The following MYOZ1 variants were observed in gnomAD, a reference collection of about 807,000 sequenced individuals.
MYOZ1 encodes myozenin 1, also known as myozenin-1.
In MYOZ1, 20 loss-of-function variants were observed where a neutral mutation model predicts 28.7. That is an observed-to-expected ratio of 0.70 (90% CI 0.49 to 1.01). The LOEUF (loss-of-function observed/expected upper bound fraction) is 1.01. Ranked by LOEUF, MYOZ1 falls within the 50% of genes least tolerant of loss-of-function variation. The pLI is 0.00. For missense variants in MYOZ1, 371 were observed against 372.4 expected, an observed-to-expected ratio of 1.00 and a Z score of 0.03; for synonymous variants, 144 against 145.8, an observed-to-expected ratio of 0.99 and a Z score of 0.09.
Position 73,631,995 on chromosome 10 carries a change from C to T in MYOZ1, c.835G>A (p.Gly279Arg), listed in dbSNP as rs146921849. The T allele has an allele frequency of 5.0e-6, 8 of 1,614,054 alleles. No individual in the cohort carries two copies. Among genetic ancestry groups the T allele is most frequent in the Non-Finnish European group, 6.8e-6 (8 of 1,180,022 alleles). ...NRTPIPWLSS[G>R]EPVDYNVDIG... ...TCCACGTTGTAGTCTACAGGCTCCC[C>T]AGAGCTCAGCCAGGGAATAGGGGTT... is the stretch of plus-strand genomic sequence containing the variant. The change falls in exon 6 of 6, where the codon GGG (glycine) becomes AGG (arginine). Residue 279 changes from glycine to arginine, a missense_variant. Transcript: ENST00000359322.
At chr10:73,638,672 T>TTATTTATTTATG (rs1564985082) in intron 2 of MYOZ1, among the ~76,000 whole-genome samples, 2 of 149,684 alleles carry the variant, frequency 1.3e-5, no homozygotes, top group East Asian at 2.0e-4. Context: ...ATTTATTTAT[T>TTATTTATTTATG]TATTTATTTA....
chr10:73,634,608 C>T lies in MYOZ1; in HGVS notation c.378G>A (p.Gln126=). 1 of 1,614,170 alleles carries T rather than the reference C, an allele frequency of 6.2e-7. No individual in the cohort carries two copies. Among genetic ancestry groups the T allele is most frequent in the Non-Finnish European group, 8.5e-7 (1 of 1,180,020 alleles). ...GATGGTGCTGCTGATCAGAGCCATA[C>T]TGTCCGGCAGAGCCACTGCCCCCTG... ...SQAGGSGSAG[Q]YGSDQQHHLG... is the part of the protein sequence containing the mutation. The change falls in exon 4 of 6, where the codon CAG becomes CAA. Residue 126 remains glutamine (Q), a synonymous_variant. Transcript: ENST00000359322.
At chr10:73,637,999 C>G in intron 2 of MYOZ1, 77 bp from the exon 3 acceptor site, 1 of 1,342,876 alleles carries the variant, frequency 7.4e-7, no homozygotes, top group African/African-American at 1.4e-5. Flanking sequence ...CAGACCTCAT[C>G]CACAACTAAG....
In MYOZ1 at chr10:73,633,926, T is replaced by A; in HGVS notation, c.642A>T (p.Glu214Asp). The A allele has an allele frequency of 6.2e-7, 1 of 1,612,258 alleles. No homozygotes were observed. The highest frequency in any genetic ancestry group is 8.5e-7 in the Non-Finnish European group (1 of 1,179,212). ...TGTTGAAGGACTTATATTTGGGAAGTTCAGCTTTGGCCCCATAGGCCAGCA... is the reference window on the plus strand; with the variant it reads ...TGTTGAAGGACTTATATTTGGGAAGATCAGCTTTGGCCCCATAGGCCAGCA... ...IDLLAYGAKAELPKYKSFNRT... is the reference protein window; with the variant it reads ...IDLLAYGAKADLPKYKSFNRT... The change falls in exon 5 of 6, where the codon GAA becomes GAT. Residue 214 changes from glutamate to aspartate, a missense_variant. Coordinates refer to ENST00000359322, the MANE Select transcript of MYOZ1 (RefSeq NM_021245.4).
At chr10:73,638,615 TG>T (rs1723240181) in intron 2 of MYOZ1, among the ~76,000 whole-genome samples, 1 of 150,818 alleles carries the variant, frequency 6.6e-6, no homozygotes. Flanking sequence ...ATGACAGGCG[TG>T]AGCCGTGGCG....
Position 73,632,121 on chromosome 10 carries a change from G to A in MYOZ1, c.709C>T (p.Arg237Cys), listed in dbSNP as rs149293567. The A allele has an allele frequency of 3.8e-5, 61 of 1,614,056 alleles. No individual in the cohort carries two copies. Among genetic ancestry groups the A allele is most frequent in the Non-Finnish European group, 4.8e-5 (57 of 1,180,034 alleles). ...AACTTGGGCATCTGGAAGGTCATGC[G>A]TTTGGAGGCCTTCTCATATCCACCA... is the stretch of plus-strand genomic sequence containing the variant. Reference protein sequence around the residue: ...PYGGYEKASKRMTFQMPKFDL... With the variant: ...PYGGYEKASKCMTFQMPKFDL... Residue 237 changes from arginine to cysteine, a missense_variant, in exon 6 of 6, where the codon CGC becomes TGC. By Grantham distance (180) the Arg-to-Cys change is radical. Coordinates refer to ENST00000359322, the MANE Select transcript of MYOZ1 (RefSeq NM_021245.4).
Sources: allele counts gnomAD v4.1 joint callset (sites outside exome capture counted in the v4.1 genomes callset), GRCh38; gene constraint gnomAD v4.1.1; transcripts MANE v1.5; gene names NCBI Gene and HGNC (gene_info 2026-07-23, HGNC 2026-07-21).